SOX5: variants seen among roughly 807,000 people sequenced by gnomAD.
SOX5 encodes SRY-box transcription factor 5, also known as transcription factor SOX-5.
A neutral mutation model predicts 92.0 loss-of-function variants in SOX5; 9 were observed. That is an observed-to-expected ratio of 0.10 (90% confidence interval 0.06 to 0.17). SOX5 has a LOEUF of 0.17. SOX5 is among the 10% of genes least tolerant of loss of function. SOX5 has a pLI of 1.00. For synonymous variants in SOX5, 344 were observed against 336.3 expected (o/e 1.02, Z -0.25); for missense variants, 642 against 944.5 (o/e 0.68, Z 4.20).
intron 2 of SOX5, among the ~76,000 whole-genome samples, chr12:23,883,261 T>G (rs1382717686): frequency 2.0e-5 from 3 of 152,076 alleles, no homozygotes; most frequent in Non-Finnish European, 4.4e-5. Context: ...TTAAATGAGT[T>G]TGCATCTCAT....
At chr12:24,040,191 G>T (rs1385516520) in intron 4 of SOX5, among the ~76,000 whole-genome samples, 1 of 152,158 alleles carries the variant, frequency 6.6e-6, no homozygotes, top group Non-Finnish European at 1.5e-5. Flanking sequence ...GTAGGTTGTA[G>T]ACTTCTTTTC....
chr12:23,589,938 G>C (rs1951290586), intron 9 of SOX5, among the ~76,000 whole-genome samples: 2 of 151,952 alleles, frequency 1.3e-5, no homozygotes, highest in African/African-American at 2.4e-5. Context: ...ATCATACAAA[G>C]GAAGACAAGT....
intron 4 of SOX5, among the ~76,000 whole-genome samples, chr12:24,051,640 A>T: frequency 6.6e-6 from 1 of 152,194 alleles, no homozygotes; most frequent in East Asian, 1.9e-4. Context: ...AAAAGTGCCA[A>T]GTGTTCCAGG....
At chr12:23,635,041 T>C (rs111374559) in intron 8 of SOX5, among the ~76,000 whole-genome samples, 61 of 152,294 alleles carry the variant, frequency 4.0e-4, no homozygotes, top group African/African-American at 1.4e-3. Flanking sequence ...TGGTAGATGC[T>C]AGAAAGTATG....
chr12:24,000,408 G>A (rs1951486109), intron 4 of SOX5, among the ~76,000 whole-genome samples: 1 of 151,730 alleles, frequency 6.6e-6, no homozygotes, highest in South Asian at 2.1e-4. Context: ...TGTAATAATA[G>A]CACAAGTGGG....
intron 6 of SOX5, among the ~76,000 whole-genome samples, chr12:23,704,713 T>TATATATATATAC (rs1305435619): frequency 2.2e-5 from 2 of 89,056 alleles, no homozygotes; most frequent in Admixed American, 1.1e-4. Flanking sequence ...TATATATATA[T>TATATATATATAC]ATACACACAC....
rs570317621 is a variant in SOX5, at chr12:23,722,519, A to C, written c.810+12165T>G. The stretch of plus-strand genomic sequence containing the variant: ...TATAGTTACATATTTTTTAATTTGG[A>C]AATTTCATCACAAATGTATATAAAT... On this transcript the variant is annotated intron_variant, in intron 6 of 14. Coordinates refer to ENST00000451604, the MANE Select transcript of SOX5 (RefSeq NM_006940.6). Among the ~76,000 whole-genome samples, 168 of 152,296 alleles carry C rather than the reference A, an allele frequency of 1.1e-3. 1 individual carries two copies. Among genetic ancestry groups the C allele is most frequent in the African/African-American group, 3.7e-3 (155 of 41,566 alleles).
chr12:24,168,033 T>G (rs970855293), intron 4 of SOX5, among the ~76,000 whole-genome samples: 14 of 152,234 alleles, frequency 9.2e-5, no homozygotes, highest in Admixed American at 2.0e-4. Flanking sequence ...CTTTTTTTCT[T>G]TTCAAAGAAG....
At chr12:24,360,733 A>T (rs948641201) in intron 2 of SOX5, among the ~76,000 whole-genome samples, 3 of 152,194 alleles carry the variant, frequency 2.0e-5, no homozygotes, top group Admixed American at 6.5e-5. Flanking sequence ...TAAAAACTGG[A>T]TATATGTATC....
At chr12:24,075,021 G>A (rs1205071227) in intron 4 of SOX5, among the ~76,000 whole-genome samples, 4 of 151,526 alleles carry the variant, frequency 2.6e-5, no homozygotes. Flanking sequence ...CAGCACTTTG[G>A]GAGGCAGAGG....
At chr12:23,708,392 A>G (rs1460449003) in intron 6 of SOX5, among the ~76,000 whole-genome samples, 2 of 152,164 alleles carry the variant, frequency 1.3e-5, no homozygotes, top group Admixed American at 1.3e-4. Context: ...GTTTGGCTGA[A>G]TCATCAATTT....
chr12:24,231,974 G>T (rs1963490107), intron 3 of SOX5, among the ~76,000 whole-genome samples: 2 of 152,170 alleles, frequency 1.3e-5, no homozygotes, highest in African/African-American at 2.4e-5. Flanking sequence ...CTACTTTAGG[G>T]TTACCAATTT....
At chr12:24,246,750 T>C (rs1938837365) in intron 3 of SOX5, among the ~76,000 whole-genome samples, 1 of 152,186 alleles carries the variant, frequency 6.6e-6, no homozygotes, top group Admixed American at 6.5e-5. Context: ...AACACCATTA[T>C]AATTGTAGGG....
At chr12:24,154,094 G>A (rs1593686321) in intron 4 of SOX5, among the ~76,000 whole-genome samples, 1 of 152,192 alleles carries the variant, frequency 6.6e-6, no homozygotes. Context: ...AACAGCTTAT[G>A]AGATTCTTCT....
At chr12:24,005,855 TC>T (rs1467644652) in intron 4 of SOX5, among the ~76,000 whole-genome samples, 1 of 152,180 alleles carries the variant, frequency 6.6e-6, no homozygotes, top group East Asian at 1.9e-4. Flanking sequence ...GTGCATTTGT[TC>T]CACTAGCTAT....
intron 4 of SOX5, among the ~76,000 whole-genome samples, chr12:23,745,497 C>T (rs1176832652): frequency 1.3e-5 from 2 of 152,054 alleles, no homozygotes; most frequent in African/African-American, 4.8e-5. Flanking sequence ...GTCATTATTG[C>T]GAATTAACGA....
At chr12:24,127,136 C>A in intron 4 of SOX5, among the ~76,000 whole-genome samples, 1 of 151,740 alleles carries the variant, frequency 6.6e-6, no homozygotes, top group South Asian at 2.1e-4. Flanking sequence ...GCCTGTGATC[C>A]CAGCATTTTG....
At chr12:23,613,115 C>T (rs2137810540) in intron 8 of SOX5, among the ~76,000 whole-genome samples, 1 of 152,160 alleles carries the variant, frequency 6.6e-6, no homozygotes, top group East Asian at 1.9e-4. Flanking sequence ...GCATGAAAAC[C>T]ACGATAGGCC....
chr12:24,275,150 C>T (rs1944292681), intron 3 of SOX5, among the ~76,000 whole-genome samples: 1 of 152,050 alleles, frequency 6.6e-6, no homozygotes, highest in Admixed American at 6.6e-5. Context: ...TTATATATAC[C>T]TTCTGAAAAT....
Sources: allele counts gnomAD v4.1 joint callset (sites outside exome capture counted in the v4.1 genomes callset), GRCh38; gene constraint gnomAD v4.1.1; transcripts MANE v1.5; gene names NCBI Gene and HGNC (gene_info 2026-07-23, HGNC 2026-07-21).